ITSN1: variants seen among roughly 807,000 people sequenced by gnomAD.
ITSN1 encodes intersectin-1.
In ITSN1, 58 loss-of-function variants were observed where a neutral mutation model predicts 239.8. The observed-to-expected ratio is 0.24, with a 90% CI of 0.20 to 0.30. The LOEUF (loss-of-function observed/expected upper bound fraction) is 0.30, where lower values mean the gene tolerates loss of function less well. ITSN1 is among the 10% of genes least tolerant of loss of function. ITSN1 has a pLI of 1.00. For synonymous variants in ITSN1, 780 were observed against 770.8 expected, an observed-to-expected ratio of 1.01 and a Z score of -0.20; for missense variants, 1,558 against 2,103.3, an observed-to-expected ratio of 0.74 and a Z score of 5.07.
intron 20 of ITSN1, among the ~76,000 whole-genome samples, chr21:33,803,933 A>G (rs2072208189): frequency 6.6e-6 from 1 of 152,230 alleles, no homozygotes; most frequent in African/African-American, 2.4e-5. Flanking sequence ...GTGATACTCC[A>G]GGTGCCATTC....
At chr21:33,676,924 C>T (rs2090628410) in intron 1 of ITSN1, among the ~76,000 whole-genome samples, 1 of 150,546 alleles carries the variant, frequency 6.6e-6, no homozygotes, top group South Asian at 2.1e-4. Context: ...CCAAACACTG[C>T]ATGTTCTCAC....
intron 25 of ITSN1, 115 bp from the exon 26 acceptor site, chr21:33,826,703 C>T: frequency 1.2e-6 from 1 of 861,486 alleles, no homozygotes; most frequent in Non-Finnish European, 1.9e-6. Flanking sequence ...TATGTTTTCC[C>T]AGAATGAAAA....
chr21:33,833,649 C>T (rs1001446221), intron 27 of ITSN1, among the ~76,000 whole-genome samples: 3 of 152,164 alleles, frequency 2.0e-5, no homozygotes, highest in African/African-American at 4.8e-5. Context: ...GTGCAGATTA[C>T]GAGGTCAAGA....
intron 31 of ITSN1, among the ~76,000 whole-genome samples, chr21:33,859,293 A>T (rs1209921381): frequency 1.3e-5 from 2 of 152,050 alleles, no homozygotes; most frequent in Non-Finnish European, 2.9e-5. Context: ...TTCCAACTTT[A>T]GTTTGCAGAG....
At chr21:33,766,251 C>G (rs2068713013) in intron 10 of ITSN1, among the ~76,000 whole-genome samples, 1 of 152,124 alleles carries the variant, frequency 6.6e-6, no homozygotes, top group Non-Finnish European at 1.5e-5. Context: ...GATTTTCTAC[C>G]AACCTATGTC....
intron 16 of ITSN1, among the ~76,000 whole-genome samples, chr21:33,784,480 G>A (rs992129936): frequency 6.6e-6 from 1 of 152,068 alleles, no homozygotes; most frequent in Non-Finnish European, 1.5e-5. Context: ...TCCTGCCTGG[G>A]CAACAGAGTG....
chr21:33,715,190 T>G (rs2065063865), intron 1 of ITSN1, among the ~76,000 whole-genome samples: 1 of 152,200 alleles, frequency 6.6e-6, no homozygotes, highest in South Asian at 2.1e-4. Context: ...TCACAACTAT[T>G]TTGTATAGCT....
intron 6 of ITSN1, 111 bp downstream of exon 6, chr21:33,750,433 C>T (rs942929746): frequency 2.0e-6 from 2 of 992,576 alleles, no homozygotes; most frequent in Non-Finnish European, 3.0e-6. Context: ...ATATTTTAGT[C>T]CAGAGGAAAA....
intron 27 of ITSN1, among the ~76,000 whole-genome samples, chr21:33,831,269 A>C (rs763146789): frequency 2.0e-5 from 3 of 152,154 alleles, no homozygotes; most frequent in Non-Finnish European, 2.9e-5. Flanking sequence ...GGAAGGACTG[A>C]ATTTTCCAGC....
At chr21:33,782,978 T>A (rs2070327940) in intron 16 of ITSN1, among the ~76,000 whole-genome samples, 1 of 151,878 alleles carries the variant, frequency 6.6e-6, no homozygotes. Flanking sequence ...TAAGCCAAGA[T>A]CACGCCACTG....
intron 16 of ITSN1, among the ~76,000 whole-genome samples, chr21:33,791,468 T>G (rs2147989259): frequency 6.6e-6 from 1 of 152,254 alleles, no homozygotes; most frequent in East Asian, 1.9e-4. Context: ...TTTAAAAAAT[T>G]TAAGTATCTT....
intron 5 of ITSN1, among the ~76,000 whole-genome samples, chr21:33,747,198 A>T (rs970407800): frequency 6.6e-6 from 1 of 152,192 alleles, no homozygotes; most frequent in African/African-American, 2.4e-5. Flanking sequence ...AAAATGAAAA[A>T]TTTACCACAG....
intron 30 of ITSN1, among the ~76,000 whole-genome samples, chr21:33,858,338 C>T (rs1477901312): frequency 3.9e-5 from 6 of 152,242 alleles, no homozygotes; most frequent in African/African-American, 7.2e-5. Context: ...CTTTTCACAC[C>T]GGTCCAGCCC....
intron 1 of ITSN1, among the ~76,000 whole-genome samples, chr21:33,702,093 ATTTTTTTTTTTTTTTTTTTTTTTT>A (rs1162454097): frequency 3.4e-5 from 5 of 148,640 alleles, no homozygotes; most frequent in African/African-American, 1.2e-4. Context: ...AAACAAAAAA[ATTTTTTTTTTTTTTTTTTTTTTTT>A]TTTTTTTTTT....
At chr21:33,878,596 G>C (rs374566066) in intron 34 of ITSN1, among the ~76,000 whole-genome samples, 2 of 152,112 alleles carry the variant, frequency 1.3e-5, no homozygotes, top group South Asian at 4.2e-4. Flanking sequence ...ACCACCTGAG[G>C]GAGTCACCAT....
rs2073422276 is a variant in ITSN1, at chr21:33,818,317, C to T, written c.2778C>T (p.Ala926=). ...LQAQALYPWR[A]KKDNHLNFNK... ...CTCAAGCCCTATATCCTTGGAGAGC[C>T]AAAAAAGACAACCACTTAAATTTTA... The change falls in exon 23 of 40, where the codon GCC becomes GCT. Residue 926 remains alanine (A), a synonymous_variant. Transcript: ENST00000381318. 1 of 1,613,868 alleles carries T rather than the reference C, an allele frequency of 6.2e-7. No homozygotes were observed. Among genetic ancestry groups the T allele is most frequent in the Non-Finnish European group, 8.5e-7 (1 of 1,179,982 alleles).
intron 29 of ITSN1, among the ~76,000 whole-genome samples, chr21:33,840,809 G>GT (rs1202595917): frequency 2.0e-5 from 3 of 152,142 alleles, no homozygotes; most frequent in South Asian, 2.1e-4. Flanking sequence ...GTTTTGTTTT[G>GT]TTTTTTAAAC....
At chr21:33,681,772 G>A (rs1399367740) in intron 1 of ITSN1, among the ~76,000 whole-genome samples, 2 of 151,794 alleles carry the variant, frequency 1.3e-5, no homozygotes, top group Admixed American at 6.6e-5. Flanking sequence ...CCGGGTTCAC[G>A]TCATTCTCCT....
chr21:33,724,604 T>C (rs2065705024), intron 4 of ITSN1, among the ~76,000 whole-genome samples: 1 of 152,262 alleles, frequency 6.6e-6, no homozygotes, highest in East Asian at 1.9e-4. Context: ...AAAGTTCATT[T>C]ATTCTTTCAA....
Sources: allele counts gnomAD v4.1 joint callset (sites outside exome capture counted in the v4.1 genomes callset), GRCh38; gene constraint gnomAD v4.1.1; transcripts MANE v1.5; gene names NCBI Gene and HGNC (gene_info 2026-07-23, HGNC 2026-07-21).